Variants in PIGL observed in about 807,000 individuals in gnomAD.
The protein encoded by PIGL is N-acetylglucosaminyl-phosphatidylinositol de-N-acetylase.
Under a neutral mutation model 31.1 loss-of-function variants are expected in PIGL, and 22 were observed. That is an observed-to-expected ratio of 0.71 (90% CI 0.51 to 1.01). The LOEUF is 1.01. PIGL is among the 50% of genes least tolerant of loss of function. The pLI, the probability that PIGL is intolerant of heterozygous loss-of-function variation, is 0.00. For synonymous variants in PIGL, 131 were observed against 117.4 expected (o/e 1.12, Z -0.75); for missense variants, 302 against 315.9 (o/e 0.96, Z 0.33).
intron 2 of PIGL, among the ~76,000 whole-genome samples, chr17:16,239,497 GAAA>G (rs367933918): frequency 7.0e-6 from 1 of 142,834 alleles, no homozygotes; most frequent in African/African-American, 2.6e-5. Flanking sequence ...AAATAAAAAA[GAAA>G]AAAAAAAGAA....
chr17:16,246,413 G>C (rs2092747163), intron 2 of PIGL, among the ~76,000 whole-genome samples: 1 of 151,246 alleles, frequency 6.6e-6, no homozygotes, highest in Non-Finnish European at 1.5e-5. Flanking sequence ...TTGGGAGGCT[G>C]ACGCAGGAGA....
At chr17:16,278,480 C>T (rs1385608194) in intron 2 of PIGL, among the ~76,000 whole-genome samples, 3 of 152,096 alleles carry the variant, frequency 2.0e-5, no homozygotes, top group Admixed American at 2.0e-4. Context: ...CTCTTAAAAC[C>T]CTTTACAATT....
chr17:16,289,789 T>G (rs2092952612), intron 2 of PIGL, among the ~76,000 whole-genome samples: 2 of 152,124 alleles, frequency 1.3e-5, no homozygotes, highest in African/African-American at 2.4e-5. Context: ...TCTTTTCTTT[T>G]TTTAAAGACA....
At chr17:16,303,224 G>A (rs2142841618) in intron 3 of PIGL, among the ~76,000 whole-genome samples, 1 of 152,308 alleles carries the variant, frequency 6.6e-6, no homozygotes, top group Non-Finnish European at 1.5e-5. Flanking sequence ...TTTGCTGTGT[G>A]TACTGCAACA....
At chr17:16,309,482 G>T (rs779856412) in intron 3 of PIGL, among the ~76,000 whole-genome samples, 1 of 152,240 alleles carries the variant, frequency 6.6e-6, no homozygotes, top group Non-Finnish European at 1.5e-5. Flanking sequence ...TAAACATTAG[G>T]CCGGGCACGG....
intron 2 of PIGL, among the ~76,000 whole-genome samples, chr17:16,263,666 G>C (rs941659040): frequency 1.3e-4 from 20 of 150,874 alleles, no homozygotes; most frequent in African/African-American, 4.4e-4. Flanking sequence ...TGGGACTACA[G>C]TGTGCACCAC....
chr17:16,262,129 G>A (rs1273217400), intron 2 of PIGL, among the ~76,000 whole-genome samples: 5 of 151,914 alleles, frequency 3.3e-5, no homozygotes, highest in South Asian at 2.1e-4. Context: ...AGGCTGAGGC[G>A]GGAGAATCAC....
At chr17:16,228,597 C>T (rs1021732140) in intron 1 of PIGL, among the ~76,000 whole-genome samples, 1 of 151,684 alleles carries the variant, frequency 6.6e-6, no homozygotes, top group Admixed American at 6.6e-5. Context: ...ACCGTGTTAG[C>T]CAGGATGGTC....
chr17:16,293,339 A>G (rs1456829591), intron 2 of PIGL, among the ~76,000 whole-genome samples: 1 of 152,232 alleles, frequency 6.6e-6, no homozygotes, highest in African/African-American at 2.4e-5. Flanking sequence ...CCTGGCTAAC[A>G]CGGTGAAACC....
chr17:16,295,957 A>C (rs1328914807), intron 2 of PIGL, among the ~76,000 whole-genome samples: 1 of 152,158 alleles, frequency 6.6e-6, no homozygotes, highest in East Asian at 1.9e-4. Flanking sequence ...TAAATAAATA[A>C]AATAAAATAT....
chr17:16,241,114 CAAAAAAAAA>C (rs35578509), intron 2 of PIGL, among the ~76,000 whole-genome samples: 1 of 52,994 alleles, frequency 1.9e-5, no homozygotes, highest in African/African-American at 7.3e-5. Flanking sequence ...AACTCCCTCT[CAAAAAAAAA>C]AAAAAAAAAA....
chr17:16,230,834 C>T (rs933916719), intron 1 of PIGL, among the ~76,000 whole-genome samples: 1 of 151,798 alleles, frequency 6.6e-6, no homozygotes, highest in African/African-American at 2.4e-5. Context: ...TGTAAAGACT[C>T]AAATTTATAC....
chr17:16,270,710 G>A (rs914772689), intron 2 of PIGL, among the ~76,000 whole-genome samples: 7 of 151,792 alleles, frequency 4.6e-5, no homozygotes, highest in Non-Finnish European at 8.8e-5. Context: ...CAGCCTGGCC[G>A]ACATGGTGAA....
intron 3 of PIGL, among the ~76,000 whole-genome samples, chr17:16,309,733 A>G (rs1054956887): frequency 8.2e-5 from 12 of 146,858 alleles, no homozygotes; most frequent in Non-Finnish European, 1.6e-4. Context: ...ACTGCGCTCC[A>G]GCCTGGTCAA....
At chr17:16,234,127 C>A in intron 2 of PIGL, 57 bp downstream of exon 2, 1 of 975,070 alleles carries the variant, frequency 1.0e-6, no homozygotes, top group Non-Finnish European at 1.6e-6. Flanking sequence ...CAGTGATATA[C>A]TCAAAAGACA....
chr17:16,252,589 T>C (rs2092777423), intron 2 of PIGL, among the ~76,000 whole-genome samples: 1 of 149,518 alleles, frequency 6.7e-6, no homozygotes, highest in Admixed American at 6.7e-5. Flanking sequence ...TATAATTATA[T>C]GTATATAATT....
At chr17:16,220,480 ATTTTT>A (rs745948237) in intron 1 of PIGL, among the ~76,000 whole-genome samples, 2 of 57,194 alleles carry the variant, frequency 3.5e-5, no homozygotes, top group Non-Finnish European at 8.0e-5. Flanking sequence ...TTAAATTGTT[ATTTTT>A]TTTTTTTTTT....
chr17:16,316,752 T>G (rs1481447606), intron 5 of PIGL, 40 bp downstream of exon 5: 6 of 1,605,424 alleles, frequency 3.7e-6, no homozygotes, highest in Non-Finnish European at 5.1e-6. Context: ...CAAGATACTG[T>G]CCCTCTGAGA....
chr17:16,254,132 C>T (rs1362208116), intron 2 of PIGL, among the ~76,000 whole-genome samples: 1 of 152,150 alleles, frequency 6.6e-6, no homozygotes, highest in Non-Finnish European at 1.5e-5. Flanking sequence ...CCTCTAGCAA[C>T]CTTCTGTTTA....
Sources: gnomAD v4.1 joint callset for allele counts (sites outside exome capture counted in the v4.1 genomes callset) on GRCh38, gnomAD v4.1.1 for gene constraint, MANE v1.5 for transcripts, NCBI Gene and HGNC (gene_info 2026-07-23, HGNC 2026-07-21) for gene names.